KCNQ5: variants seen among roughly 807,000 people sequenced by gnomAD.
KCNQ5 encodes potassium voltage-gated channel subfamily KQT member 5.
In KCNQ5, 30 loss-of-function variants were observed where a neutral mutation model predicts 98.2. The ratio of observed to expected loss-of-function variants is 0.31; its 90% CI spans 0.23 to 0.41. The LOEUF is 0.41. KCNQ5 is among the 10% of genes least tolerant of loss of function. The pLI, the probability that KCNQ5 is intolerant of heterozygous loss-of-function variation, is 1.00. For missense variants in KCNQ5, 835 were observed against 1,182.5 expected (o/e 0.71, Z 4.31); for synonymous variants, 458 against 449.4 (o/e 1.02, Z -0.24).
At chr6:73,111,487 C>A in intron 7 of KCNQ5, 84 bp downstream of exon 7, 1 of 846,088 alleles carries the variant, frequency 1.2e-6, no homozygotes. Flanking sequence ...TGCTTCATTG[C>A]TTGGTAGAAC....
intron 1 of KCNQ5, among the ~76,000 whole-genome samples, chr6:72,830,322 A>G (rs1487283085): frequency 4.6e-5 from 7 of 151,960 alleles, no homozygotes; most frequent in Admixed American, 1.3e-4. Context: ...CACACTACCT[A>G]ACTTCAAACT....
In KCNQ5 at chr6:73,040,231, C is replaced by CA. The variant is rs1413370102; in HGVS notation, c.490-1705_490-1704insA. ...TCCATGAAAAAGAAAAATTACTACACGGTAGTGTTCGGGGGCTCAGGCCAC... is the reference window on the plus strand; with the variant it reads ...TCCATGAAAAAGAAAAATTACTACACAGGTAGTGTTCGGGGGCTCAGGCCAC... On this transcript the variant is annotated intron_variant, in intron 2 of 13. Transcript: ENST00000370398. 5.3e-5 allele frequency among the ~76,000 whole-genome samples: 8 copies of CA among 152,280 alleles called. No individual in the cohort carries two copies. In the East Asian group the frequency reaches 1.5e-3, roughly 29 times the overall value.
At chr6:72,804,668 T>A (rs1774861602) in intron 1 of KCNQ5, among the ~76,000 whole-genome samples, 1 of 152,170 alleles carries the variant, frequency 6.6e-6, no homozygotes, top group Admixed American at 6.6e-5. Context: ...TCCTTTCTTT[T>A]GGGTCCATAC....
chr6:72,667,731 T>A (rs550710284), intron 1 of KCNQ5, among the ~76,000 whole-genome samples: 2 of 152,352 alleles, frequency 1.3e-5, no homozygotes, highest in South Asian at 4.1e-4. Context: ...ATCCATATTA[T>A]GTTTCCTAAT....
At chr6:73,096,709 C>A (rs561980539) in intron 5 of KCNQ5, among the ~76,000 whole-genome samples, 1 of 152,292 alleles carries the variant, frequency 6.6e-6, no homozygotes, top group Non-Finnish European at 1.5e-5. Context: ...ATCATTACAT[C>A]GTGCTAATTA....
intron 1 of KCNQ5, among the ~76,000 whole-genome samples, chr6:72,793,492 A>G (rs1347521766): frequency 1.3e-5 from 2 of 152,206 alleles, no homozygotes; most frequent in East Asian, 1.9e-4. Flanking sequence ...ATGCCCAAAC[A>G]TTTACCTATA....
intron 3 of KCNQ5, chr6:73,043,201 A>G: frequency 2.5e-6 from 1 of 393,510 alleles, no homozygotes; most frequent in Non-Finnish European, 5.4e-6. Flanking sequence ...TTTATTCCAT[A>G]CTTCTTTCAT....
At position 73,121,219 on chromosome 6, in the gene KCNQ5, T is replaced by C. The variant is rs1026618307; in HGVS notation, c.1220+642T>C. Among the ~76,000 whole-genome samples, 9 of 152,152 alleles carry C rather than the reference T, an allele frequency of 5.9e-5. 1 individual carries two copies. The highest frequency in any genetic ancestry group is 2.0e-4 in the Admixed American group (3 of 15,290). ...TTGGCCAAAGTAAATCACTCAGCCA[T>C]GCCTAAACTCAAAGAAAATGGGGAA... On this transcript the variant is annotated intron_variant, in intron 8 of 13. Coordinates refer to ENST00000370398, the MANE Select transcript of KCNQ5 (RefSeq NM_019842.4).
chr6:72,907,741 G>A (rs1779761075), intron 1 of KCNQ5, among the ~76,000 whole-genome samples: 1 of 151,990 alleles, frequency 6.6e-6, no homozygotes, highest in South Asian at 2.1e-4. Flanking sequence ...TACTTTACTT[G>A]GAGAAGAGAT....
intron 1 of KCNQ5, among the ~76,000 whole-genome samples, chr6:72,943,418 T>C (rs1766398317): frequency 6.6e-6 from 1 of 152,226 alleles, no homozygotes; most frequent in Admixed American, 6.5e-5. Flanking sequence ...AATCATTCTC[T>C]AGTGCATTGG....
intron 1 of KCNQ5, among the ~76,000 whole-genome samples, chr6:72,771,874 A>G (rs4706513): frequency 0.61 from 91,651 of 151,294 alleles, 27,817 homozygotes; most frequent in Admixed American, 0.65. Flanking sequence ...TAGAGGATGC[A>G]ATCTATGGTT....
intron 1 of KCNQ5, among the ~76,000 whole-genome samples, chr6:72,960,531 G>C (rs1210606671): frequency 6.6e-6 from 1 of 152,162 alleles, no homozygotes; most frequent in Admixed American, 6.5e-5. Flanking sequence ...CTGAGTTCAA[G>C]TGATTCTCCT....
At chr6:73,114,053 A>C (rs1247563533) in intron 7 of KCNQ5, among the ~76,000 whole-genome samples, 1 of 152,228 alleles carries the variant, frequency 6.6e-6, no homozygotes, top group Non-Finnish European at 1.5e-5. Context: ...TTTTAAAAGC[A>C]AGTGCTCCTT....
At position 73,120,595 on chromosome 6, in the gene KCNQ5, A is replaced by T; in HGVS notation, c.1220+18A>T. 1 of 1,534,956 alleles carries T rather than the reference A, an allele frequency of 6.5e-7. No homozygotes were observed. Among genetic ancestry groups the T allele is most frequent in the South Asian group, 1.1e-5 (1 of 88,004 alleles). On this transcript the variant is annotated intron_variant, in intron 8 of 13. Transcript: ENST00000370398. The stretch of plus-strand genomic sequence containing the variant: ...CCTACCAAGTAGGTATCAGTGTGAC[A>T]GCTGCCACTGTAGTTGAGTCTTTTC...
chr6:72,629,932 G>T (rs909453704), intron 1 of KCNQ5, among the ~76,000 whole-genome samples: 1 of 152,080 alleles, frequency 6.6e-6, no homozygotes, highest in East Asian at 1.9e-4. Context: ...TTAATCCTTT[G>T]CAATCAGTGT....
intron 11 of KCNQ5, among the ~76,000 whole-genome samples, chr6:73,184,838 G>A (rs958552464): frequency 6.6e-6 from 1 of 152,188 alleles, no homozygotes; most frequent in Non-Finnish European, 1.5e-5. Flanking sequence ...ATCCAGATGG[G>A]CTGGAGAGCA....
intron 1 of KCNQ5, among the ~76,000 whole-genome samples, chr6:72,628,153 G>C (rs1384690218): frequency 6.6e-6 from 1 of 152,164 alleles, no homozygotes; most frequent in Non-Finnish European, 1.5e-5. Flanking sequence ...AACTGAGTAA[G>C]TAAATAATTT....
intron 3 of KCNQ5, among the ~76,000 whole-genome samples, chr6:73,052,239 G>A (rs1426610364): frequency 6.6e-6 from 1 of 152,182 alleles, no homozygotes; most frequent in African/African-American, 2.4e-5. Flanking sequence ...ATGGGATTAT[G>A]TAAAGACACC....
intron 10 of KCNQ5, chr6:73,158,259 T>TTTGTTGTTG (rs1562211970): frequency 6.6e-5 from 4 of 60,432 alleles, no homozygotes; most frequent in South Asian, 2.6e-4. Context: ...GGAAGATTTT[T>TTTGTTGTTG]TTTTTTTTTT....
Sources: allele counts gnomAD v4.1 joint callset (sites outside exome capture counted in the v4.1 genomes callset), GRCh38; gene constraint gnomAD v4.1.1; transcripts MANE v1.5; gene names NCBI Gene and HGNC (gene_info 2026-07-23, HGNC 2026-07-21).